Variants in PTPRG observed in about 807,000 individuals in gnomAD.
PTPRG encodes protein tyrosine phosphatase receptor type G, also known as receptor-type tyrosine-protein phosphatase gamma.
PTPRG carries 102 observed loss-of-function variants against 165.3 expected under a neutral mutation model. The ratio of observed to expected loss-of-function variants is 0.62; its 90% CI spans 0.53 to 0.73. PTPRG has a LOEUF of 0.73. PTPRG is among the 30% of genes least tolerant of loss of function. PTPRG has a pLI of 0.00. For synonymous variants in PTPRG, 675 were observed against 669.5 expected (o/e 1.01, Z -0.13); for missense variants, 1,866 against 1,861.4 (o/e 1.00, Z -0.05).
At chr3:62,156,399 C>A (rs1035521217) in intron 6 of PTPRG, among the ~76,000 whole-genome samples, 1 of 152,170 alleles carries the variant, frequency 6.6e-6, no homozygotes, top group Non-Finnish European at 1.5e-5. Context: ...TGGGTCTGAA[C>A]TTAAATATCA....
At chr3:62,292,252 T>C (rs541143838) in intron 28 of PTPRG, among the ~76,000 whole-genome samples, 169 bp from the exon 29 acceptor site, 2 of 152,292 alleles carry the variant, frequency 1.3e-5, no homozygotes, top group East Asian at 3.9e-4. Context: ...CTCACCTTTA[T>C]GCTAGCTTCC....
At chr3:61,701,950 G>GA (rs1559563887) in intron 1 of PTPRG, among the ~76,000 whole-genome samples, 1 of 150,852 alleles carries the variant, frequency 6.6e-6, no homozygotes, top group African/African-American at 2.5e-5. Context: ...AGGAAGGAAA[G>GA]AAAAAAGGAA....
chr3:61,709,718 A>G (rs2031455210), intron 1 of PTPRG, among the ~76,000 whole-genome samples: 1 of 152,154 alleles, frequency 6.6e-6, no homozygotes, highest in Non-Finnish European at 1.5e-5. Context: ...AAAATTTTGC[A>G]ATGCCTCCTC....
chr3:62,097,084 C>T (rs972130977), intron 5 of PTPRG, among the ~76,000 whole-genome samples: 3 of 143,816 alleles, frequency 2.1e-5, no homozygotes, highest in Non-Finnish European at 3.2e-5. Flanking sequence ...ACACCCCCAG[C>T]CAGCCATTAC....
chr3:62,072,600 A>G (rs1384265016), intron 4 of PTPRG, among the ~76,000 whole-genome samples: 2 of 147,826 alleles, frequency 1.4e-5, no homozygotes, highest in East Asian at 4.1e-4. Context: ...TCTGTGCTTG[A>G]GAATATATAT....
chr3:62,153,677 G>T (rs528432929), intron 6 of PTPRG, among the ~76,000 whole-genome samples: 1 of 152,174 alleles, frequency 6.6e-6, no homozygotes, highest in African/African-American at 2.4e-5. Context: ...TATCTATCAC[G>T]TATGAGATGT....
chr3:62,259,530 T>TA (rs1286315368), intron 16 of PTPRG, among the ~76,000 whole-genome samples: 1 of 152,248 alleles, frequency 6.6e-6, no homozygotes, highest in Non-Finnish European at 1.5e-5. Context: ...GCTGTAGAGT[T>TA]AGTTTCCTCA....
intron 4 of PTPRG, among the ~76,000 whole-genome samples, chr3:62,015,139 C>T (rs1487405542): frequency 1.3e-5 from 2 of 152,212 alleles, no homozygotes; most frequent in African/African-American, 4.8e-5. Flanking sequence ...TCTCTAGAGA[C>T]ATTTCTAAAT....
chr3:62,005,194 A>G (rs1236567109), intron 4 of PTPRG, among the ~76,000 whole-genome samples: 1 of 152,150 alleles, frequency 6.6e-6, no homozygotes, highest in Non-Finnish European at 1.5e-5. Flanking sequence ...GGACTCCTCT[A>G]TCTGTGGGAC....
At chr3:62,084,070 T>C (rs1362578906) in intron 5 of PTPRG, among the ~76,000 whole-genome samples, 2 of 152,238 alleles carry the variant, frequency 1.3e-5, no homozygotes, top group African/African-American at 4.8e-5. Context: ...TTCAAGAGCA[T>C]CTACATTAAG....
chr3:61,774,750 G>T (rs548820510), intron 2 of PTPRG, among the ~76,000 whole-genome samples: 5 of 152,308 alleles, frequency 3.3e-5, no homozygotes, highest in Admixed American at 2.0e-4. Context: ...TTGCCTACCG[G>T]TGTCTCTGCT....
intron 27 of PTPRG, among the ~76,000 whole-genome samples, chr3:62,281,974 A>T (rs555919828): frequency 1.3e-5 from 2 of 152,120 alleles, no homozygotes; most frequent in South Asian, 4.1e-4. Flanking sequence ...CTAGAACTCA[A>T]TATTTTCTTT....
intron 1 of PTPRG, among the ~76,000 whole-genome samples, chr3:61,609,076 T>G (rs1291968181): frequency 6.6e-6 from 1 of 152,182 alleles, no homozygotes; most frequent in Non-Finnish European, 1.5e-5. Flanking sequence ...AGATATAGAT[T>G]GATACTAAAC....
chr3:62,073,419 A>C (rs981494584), intron 4 of PTPRG, among the ~76,000 whole-genome samples: 2 of 152,206 alleles, frequency 1.3e-5, no homozygotes, highest in African/African-American at 4.8e-5. Flanking sequence ...CAAGATAAAT[A>C]CCTCCAATAG....
chr3:61,868,399 A>G (rs766961394), intron 2 of PTPRG, among the ~76,000 whole-genome samples: 1 of 152,058 alleles, frequency 6.6e-6, no homozygotes, highest in Non-Finnish European at 1.5e-5. Flanking sequence ...TGGTTATCTC[A>G]TTGAGTTCAT....
chr3:62,124,347 G>C (rs1703203574), intron 5 of PTPRG: 4 of 1,612,682 alleles, frequency 2.5e-6, no homozygotes, highest in Non-Finnish European at 3.4e-6. Flanking sequence ...TGGTGATGCA[G>C]GCTGACAATA....
At position 62,017,446 on chromosome 3, in the gene PTPRG, C is replaced by T. The variant is rs564809009; in HGVS notation, c.519+13949C>T. Among the ~76,000 whole-genome samples the T allele has an allele frequency of 9.3e-5, 14 of 150,546 alleles. No homozygotes were observed. In the South Asian group the frequency reaches 1.5e-3, roughly 16 times the overall value. On this transcript the variant is annotated intron_variant, in intron 4 of 29. Transcript: ENST00000474889. ...TTTTTTTTTTTTTGAGGCGGAGTCT[C>T]GCTCTTTCGCCCAGGCTGGAGTGCA...
intron 1 of PTPRG, among the ~76,000 whole-genome samples, chr3:61,581,526 A>C (rs1278968578): frequency 1.3e-5 from 2 of 151,644 alleles, no homozygotes; most frequent in African/African-American, 4.9e-5. Flanking sequence ...TGTGCTTCTC[A>C]GTTTTAGAGC....
At chr3:61,818,189 G>A (rs1222750719) in intron 2 of PTPRG, among the ~76,000 whole-genome samples, 1 of 152,018 alleles carries the variant, frequency 6.6e-6, no homozygotes, top group African/African-American at 2.4e-5. Context: ...TCTATATAAA[G>A]TTATTCCAAA....
Sources: gnomAD v4.1 joint callset for allele counts (sites outside exome capture counted in the v4.1 genomes callset) on GRCh38, gnomAD v4.1.1 for gene constraint, MANE v1.5 for transcripts, NCBI Gene and HGNC (gene_info 2026-07-23, HGNC 2026-07-21) for gene names.